CRYBA1: variants seen among roughly 807,000 people sequenced by gnomAD.
CRYBA1 encodes beta-crystallin A3.
A neutral mutation model predicts 36.2 loss-of-function variants in CRYBA1; 25 were observed. That is an observed-to-expected ratio of 0.69 (90% CI 0.50 to 0.97). The LOEUF is 0.97. Ranked by LOEUF, CRYBA1 falls within the 50% of genes least tolerant of loss-of-function variation. The pLI is 0.00. For missense variants in CRYBA1, 224 were observed against 276.3 expected (o/e 0.81, Z 1.34); for synonymous variants, 111 against 90.0 (o/e 1.23, Z -1.32).
intron 3 of CRYBA1, among the ~76,000 whole-genome samples, chr17:29,251,606 T>C (rs948581516): frequency 2.0e-5 from 3 of 151,980 alleles, no homozygotes; most frequent in Non-Finnish European, 4.4e-5. Flanking sequence ...CTCAGCCCCC[T>C]GAATAGCTGG....
rs769006488 is a variant in CRYBA1, at chr17:29,252,215, T to A, written c.357+10T>A. The A allele has an allele frequency of 6.2e-7, 1 of 1,613,916 alleles. No individual in the cohort carries two copies. The highest frequency in any genetic ancestry group is 2.2e-5 in the East Asian group (1 of 44,890). Reference sequence around the variant, plus strand: ...CCCCATCTGTTCAGCTGTGAGTCTCTGAAATTTCCACTTCCGTGCATATGA... The same window carrying A: ...CCCCATCTGTTCAGCTGTGAGTCTCAGAAATTTCCACTTCCGTGCATATGA... On this transcript the variant is annotated intron_variant, in intron 4 of 5. Coordinates refer to ENST00000225387, the MANE Select transcript of CRYBA1 (RefSeq NM_005208.5).
At chr17:29,253,611 A>C (rs780009965) in intron 4 of CRYBA1, 29 bp from the exon 5 acceptor site, 2 of 1,596,384 alleles carry the variant, frequency 1.3e-6, no homozygotes, top group South Asian at 1.1e-5. Flanking sequence ...ACTAGTACTA[A>C]ACATTTTAAA....
In CRYBA1 at chr17:29,254,125, TAA is replaced by T. The variant is rs2068953445; in HGVS notation, c.501-75_501-74del. The T allele has an allele frequency of 4.7e-6, 7 of 1,504,496 alleles. No individual in the cohort carries two copies. In the East Asian group the frequency reaches 6.8e-5, roughly 15 times the overall value. The allele number at this position is 1,504,496 out of a possible 1,614,324, so 93.2% of individuals were successfully genotyped here. On this transcript the variant is annotated intron_variant, in intron 5 of 5. Transcript: ENST00000225387. ...AAGCATCTCATACCATTGTGTTGAG[TAA>T]AGAGGCTCAGGTTTTGGGGTATTAA...
Position 29,252,050 on chromosome 17 carries a change from C to T in CRYBA1, c.216-14C>T. ...CTTTGAACACCATGAACAAACACTA[C>T]ATGTCTTTGGCAGCTGGATTGGTTA... On this transcript the variant is annotated splice_polypyrimidine_tract_variant and intron_variant, in intron 3 of 5. Coordinates refer to ENST00000225387, the MANE Select transcript of CRYBA1 (RefSeq NM_005208.5). The T allele has an allele frequency of 6.2e-7, 1 of 1,614,216 alleles. No homozygotes were observed. Among genetic ancestry groups the T allele is most frequent in the Non-Finnish European group, 8.5e-7 (1 of 1,180,034 alleles).
At chr17:29,248,986 A>G (rs939879798) in intron 1 of CRYBA1, among the ~76,000 whole-genome samples, 156 bp from the exon 2 acceptor site, 3 of 152,088 alleles carry the variant, frequency 2.0e-5, no homozygotes, top group African/African-American at 7.2e-5. Flanking sequence ...AACAACAACA[A>G]CAACAAACCC....
Position 29,254,469 on chromosome 17 carries a change from A to G in CRYBA1, c.*120A>G. ...TCAAATGTTAGCTGCTGAAATCCACAATAAACGTCATTTAAAAAAAAAAAA... is the reference window on the plus strand; with the variant it reads ...TCAAATGTTAGCTGCTGAAATCCACGATAAACGTCATTTAAAAAAAAAAAA... On this transcript the variant is annotated 3_prime_UTR_variant, in exon 6 of 6. Transcript: ENST00000225387. 5.5e-6 allele frequency: 6 copies of G among 1,084,286 alleles called. No individual in the cohort carries two copies. Among genetic ancestry groups the G allele is most frequent in the Non-Finnish European group, 8.2e-6 (6 of 728,772 alleles). The allele number at this position is 1,084,286 out of a possible 1,614,324, so 67.2% of individuals were successfully genotyped here.
chr17:29,252,300 T>C, intron 4 of CRYBA1, 95 bp downstream of exon 4: 2 of 1,523,326 alleles, frequency 1.3e-6, no homozygotes, highest in Non-Finnish European at 1.8e-6. Context: ...TCAGTTATGC[T>C]GAATGTGGCA....
intron 4 of CRYBA1, 54 bp from the exon 5 acceptor site, chr17:29,253,586 A>G: frequency 7.0e-7 from 1 of 1,426,390 alleles, no homozygotes; most frequent in South Asian, 1.2e-5. Flanking sequence ...AAACATGAAG[A>G]ATGATAGCCA....
rs576500054 is a variant in CRYBA1 at position 29,254,120 on chromosome 17, T to C, written c.501-82T>C. On this transcript the variant is annotated intron_variant, in intron 5 of 5. Transcript: ENST00000225387. ...CCTAAAAGCATCTCATACCATTGTG[T>C]TGAGTAAAGAGGCTCAGGTTTTGGG... is the stretch of plus-strand genomic sequence containing the variant. 2.7e-6 allele frequency: 4 copies of C among 1,458,120 alleles called. No homozygotes were observed. The Admixed American group carries it at 5.1e-5, about 19-fold the overall frequency. 90.3% of individuals were successfully genotyped at this position (1,458,120 alleles called of 1,614,324 possible).
chr17:29,251,201 G>C (rs915416691), intron 3 of CRYBA1, among the ~76,000 whole-genome samples: 1 of 152,202 alleles, frequency 6.6e-6, no homozygotes, highest in Admixed American at 6.5e-5. Flanking sequence ...AAGCCAACAG[G>C]TTTGGCTTGA....
chr17:29,253,857 G>T (rs2068951583), intron 5 of CRYBA1, 75 bp downstream of exon 5: 16 of 1,526,112 alleles, frequency 1.0e-5, no homozygotes, highest in Non-Finnish European at 1.3e-5. Context: ...GTTTTAATCA[G>T]ATTTCATACG....
At chr17:29,252,489 G>C (rs1473933324) in intron 4 of CRYBA1, among the ~76,000 whole-genome samples, 1 of 152,164 alleles carries the variant, frequency 6.6e-6, no homozygotes, top group African/African-American at 2.4e-5. Flanking sequence ...GAGTGAAAGT[G>C]CTTACCCTGC....
chr17:29,254,079 G>A (rs1334731528), intron 5 of CRYBA1, 123 bp from the exon 6 acceptor site: 1 of 1,080,658 alleles, frequency 9.3e-7, no homozygotes, highest in African/African-American at 1.6e-5. Flanking sequence ...CATTTAGGAT[G>A]GCTATTTTTT....
At chr17:29,249,075 C>A in intron 1 of CRYBA1, 67 bp from the exon 2 acceptor site, 1 of 1,039,218 alleles carries the variant, frequency 9.6e-7, no homozygotes, top group Non-Finnish European at 1.5e-6. Context: ...CTTTACCTTT[C>A]AAGGCATTCC....
chr17:29,251,852 G>A (rs1567671145), intron 3 of CRYBA1, among the ~76,000 whole-genome samples: 1 of 152,110 alleles, frequency 6.6e-6, no homozygotes, highest in Non-Finnish European at 1.5e-5. Flanking sequence ...CCTTTTCAGT[G>A]ATAACCCCCA....
intron 4 of CRYBA1, among the ~76,000 whole-genome samples, 198 bp from the exon 5 acceptor site, chr17:29,253,442 C>T (rs555111544): frequency 7.9e-5 from 12 of 152,276 alleles, no homozygotes; most frequent in African/African-American, 2.6e-4. Flanking sequence ...GTTATTTGTA[C>T]ATTCAAAATG....
At chr17:29,252,233 G>A in intron 4 of CRYBA1, 28 bp downstream of exon 4, 1 of 1,613,518 alleles carries the variant, frequency 6.2e-7, no homozygotes, top group East Asian at 2.2e-5. Flanking sequence ...CCACTTCCGT[G>A]CATATGAGGG....
chr17:29,251,786 A>G (rs1465364275), intron 3 of CRYBA1, among the ~76,000 whole-genome samples: 1 of 152,202 alleles, frequency 6.6e-6, no homozygotes, highest in Non-Finnish European at 1.5e-5. Flanking sequence ...GCCAGGAAAT[A>G]TAATTTTAGA....
intron 5 of CRYBA1, 95 bp downstream of exon 5, chr17:29,253,877 A>G (rs1331299720): frequency 7.1e-7 from 1 of 1,418,256 alleles, no homozygotes; most frequent in Non-Finnish European, 9.8e-7. Flanking sequence ...GTATCGGTAT[A>G]GATGTCACAT....
Sources: allele counts gnomAD v4.1 joint callset (sites outside exome capture counted in the v4.1 genomes callset), GRCh38; gene constraint gnomAD v4.1.1; transcripts MANE v1.5; gene names NCBI Gene and HGNC (gene_info 2026-07-23, HGNC 2026-07-21).